ZNF385B: variants seen among roughly 807,000 people sequenced by gnomAD.
The protein encoded by ZNF385B is zinc finger protein 533.
ZNF385B carries 23 observed loss-of-function variants against 39.2 expected under a neutral mutation model. That is an observed-to-expected ratio of 0.59 (90% CI 0.42 to 0.83). The LOEUF is 0.83. Among genes scored for constraint, ZNF385B ranks in the 40% least tolerant of loss-of-function variants. The probability of loss-of-function intolerance (pLI) is 0.00; values close to 1 mark genes in which losing one functional copy is unlikely to be tolerated. For missense variants in ZNF385B, 552 were observed against 598.9 expected, an observed-to-expected ratio of 0.92 and a Z score of 0.82; for synonymous variants, 205 against 222.6, an observed-to-expected ratio of 0.92 and a Z score of 0.70.
At chr2:179,540,262 C>T (rs1222366079) in intron 4 of ZNF385B, among the ~76,000 whole-genome samples, 1 of 152,124 alleles carries the variant, frequency 6.6e-6, no homozygotes, top group Non-Finnish European at 1.5e-5. Flanking sequence ...GCCTGACCAA[C>T]ATGGAGAAAC....
chr2:179,661,297 G>T lies in ZNF385B; in HGVS notation c.298+108206C>A, dbSNP rs146819216. 5.1e-3 allele frequency among the ~76,000 whole-genome samples: 783 copies of T among 152,228 alleles called. 4 individuals are homozygous for T. Among genetic ancestry groups the T allele is most frequent in the African/African-American group, 0.017 (722 of 41,548 alleles). On this transcript the variant is annotated intron_variant, in intron 3 of 9. Coordinates refer to ENST00000410066, the MANE Select transcript of ZNF385B (RefSeq NM_152520.6). ...ACAAAAGAGACCAAGGCCTATTTTT[G>T]CCATTATGAAATTCAGGCCTCTTGC...
intron 6 of ZNF385B, among the ~76,000 whole-genome samples, chr2:179,467,969 T>C (rs1418933725): frequency 6.6e-6 from 1 of 152,214 alleles, no homozygotes; most frequent in African/African-American, 2.4e-5. Context: ...ATGTCACTGC[T>C]CTTTCCATTT....
intron 1 of ZNF385B, among the ~76,000 whole-genome samples, chr2:179,857,291 G>C (rs1396868556): frequency 6.6e-6 from 1 of 152,162 alleles, no homozygotes; most frequent in African/African-American, 2.4e-5. Flanking sequence ...TTCAGGAAAT[G>C]AAGGTCCCAT....
chr2:179,527,266 G>C (rs1559409511), intron 4 of ZNF385B, among the ~76,000 whole-genome samples: 1 of 152,206 alleles, frequency 6.6e-6, no homozygotes, highest in South Asian at 2.1e-4. Flanking sequence ...TCAGCCCAGA[G>C]ATGAGGCAGC....
intron 1 of ZNF385B, among the ~76,000 whole-genome samples, chr2:179,771,667 T>C (rs554689528): frequency 6.6e-6 from 1 of 152,344 alleles, no homozygotes; most frequent in South Asian, 2.1e-4. Context: ...AGATATTATG[T>C]TATCACAAAG....
intron 3 of ZNF385B, among the ~76,000 whole-genome samples, chr2:179,761,866 C>G (rs941942038): frequency 2.7e-5 from 4 of 145,660 alleles, no homozygotes; most frequent in African/African-American, 1.0e-4. Context: ...TCCCAAAGTA[C>G]TGGGATTACA....
At chr2:179,806,803 C>T (rs990335357) in intron 1 of ZNF385B, among the ~76,000 whole-genome samples, 1 of 152,178 alleles carries the variant, frequency 6.6e-6, no homozygotes, top group African/African-American at 2.4e-5. Flanking sequence ...TAACCCAATA[C>T]TATTATTGCC....
intron 1 of ZNF385B, among the ~76,000 whole-genome samples, chr2:179,787,577 C>T (rs1401199496): frequency 1.3e-5 from 2 of 152,062 alleles, no homozygotes; most frequent in Non-Finnish European, 2.9e-5. Flanking sequence ...GAAAGCCAAT[C>T]GGGAAGGGGG....
At chr2:179,663,713 C>CAAAAAAAAAAAAAAAAAAAA (rs71401756) in intron 3 of ZNF385B, among the ~76,000 whole-genome samples, 3 of 67,732 alleles carry the variant, frequency 4.4e-5, no homozygotes, top group African/African-American at 2.1e-4. Flanking sequence ...GACTCCGTCT[C>CAAAAAAAAAAAAAAAAAAAA]AAAAAAAAAA....
intron 3 of ZNF385B, among the ~76,000 whole-genome samples, chr2:179,711,410 C>G (rs530545489): frequency 6.6e-6 from 1 of 152,012 alleles, no homozygotes; most frequent in East Asian, 1.9e-4. Flanking sequence ...ATACCTGGCC[C>G]CAGGGAAATA....
chr2:179,700,209 G>A (rs899432954), intron 3 of ZNF385B, among the ~76,000 whole-genome samples: 1 of 152,068 alleles, frequency 6.6e-6, no homozygotes, highest in African/African-American at 2.4e-5. Flanking sequence ...ATCCTTCTCT[G>A]TACTAACTCC....
intron 3 of ZNF385B, chr2:179,746,010 T>C: frequency 8.8e-7 from 1 of 1,140,302 alleles, no homozygotes. Context: ...ATTTCAATTC[T>C]ATATCTCCAT....
intron 1 of ZNF385B, among the ~76,000 whole-genome samples, chr2:179,807,048 T>G (rs534074522): frequency 6.6e-6 from 1 of 152,314 alleles, no homozygotes; most frequent in South Asian, 2.1e-4. Flanking sequence ...GACAGAGCAG[T>G]TTCACTTCTA....
chr2:179,680,479 G>T (rs1697416223), intron 3 of ZNF385B, among the ~76,000 whole-genome samples: 1 of 152,030 alleles, frequency 6.6e-6, no homozygotes, highest in Non-Finnish European at 1.5e-5. Flanking sequence ...TGGAAAATAG[G>T]ATAGTAGTTA....
intron 3 of ZNF385B, among the ~76,000 whole-genome samples, chr2:179,550,053 T>G (rs894295125): frequency 1.3e-5 from 2 of 149,466 alleles, no homozygotes; most frequent in South Asian, 2.1e-4. Context: ...GGGCACTTAT[T>G]AAAATATTTT....
At chr2:179,679,881 C>G (rs1697361970) in intron 3 of ZNF385B, among the ~76,000 whole-genome samples, 1 of 152,108 alleles carries the variant, frequency 6.6e-6, no homozygotes, top group Admixed American at 6.6e-5. Context: ...AAACCTGATC[C>G]CTGATTTCTC....
At chr2:179,565,619 A>G (rs996525512) in intron 3 of ZNF385B, among the ~76,000 whole-genome samples, 3 of 152,172 alleles carry the variant, frequency 2.0e-5, no homozygotes, top group African/African-American at 7.2e-5. Context: ...TTGCTCCAGA[A>G]ATGTTCACTG....
intron 6 of ZNF385B, among the ~76,000 whole-genome samples, chr2:179,449,291 T>G (rs1327157274): frequency 6.6e-6 from 1 of 152,094 alleles, no homozygotes; most frequent in Non-Finnish European, 1.5e-5. Context: ...AGTGACATTT[T>G]TAAGGTTTCG....
chr2:179,619,921 A>G (rs966675068), intron 3 of ZNF385B, among the ~76,000 whole-genome samples: 2 of 152,240 alleles, frequency 1.3e-5, no homozygotes, highest in South Asian at 2.1e-4. Context: ...ATATAGGATG[A>G]AATTCTGTCA....
Sources: allele counts gnomAD v4.1 joint callset (sites outside exome capture counted in the v4.1 genomes callset), GRCh38; gene constraint gnomAD v4.1.1; transcripts MANE v1.5; gene names NCBI Gene and HGNC (gene_info 2026-07-23, HGNC 2026-07-21).